The following STK33 variants were observed in gnomAD, a reference collection of about 807,000 sequenced individuals.
The protein encoded by STK33 is serine/threonine-protein kinase 33.
A neutral mutation model predicts 58.0 loss-of-function variants in STK33; 52 were observed. That is an observed-to-expected ratio of 0.90 (90% CI 0.72 to 1.13). STK33 has a LOEUF of 1.13. Ranked by LOEUF, STK33 falls within the 50% of genes most tolerant of loss-of-function variation. The pLI is 0.00. For missense variants in STK33, 630 were observed against 604.2 expected, an observed-to-expected ratio of 1.04 and a Z score of -0.45; for synonymous variants, 215 against 200.1, an observed-to-expected ratio of 1.07 and a Z score of -0.63.
chr11:8,344,076 C>A, the STK33 span, among the ~76,000 whole-genome samples: 1 of 152,066 alleles, frequency 6.6e-6, no homozygotes, highest in African/African-American at 2.4e-5. Flanking sequence ...TAGGGCTGGA[C>A]GCAGTGACTC....
At chr11:8,590,182 C>T (rs1010923043) in intron 1 of STK33, among the ~76,000 whole-genome samples, 2 of 152,142 alleles carry the variant, frequency 1.3e-5, no homozygotes, top group African/African-American at 4.8e-5. Context: ...TAACATTTTA[C>T]GTAAGGCTTT....
intron 10 of STK33, among the ~76,000 whole-genome samples, chr11:8,454,028 A>C (rs1273769453): frequency 1.3e-5 from 2 of 152,224 alleles, no homozygotes; most frequent in Non-Finnish European, 2.9e-5. Context: ...TAAGTGAATA[A>C]GACATGCACA....
At chr11:8,587,972 G>A (rs1021121760) in intron 1 of STK33, among the ~76,000 whole-genome samples, 1 of 152,150 alleles carries the variant, frequency 6.6e-6, no homozygotes, top group African/African-American at 2.4e-5. Flanking sequence ...TCACAGTTCT[G>A]GAGGCTGAGA....
chr11:8,384,757 T>C, the STK33 span, among the ~76,000 whole-genome samples: 16 of 152,196 alleles, frequency 1.1e-4, no homozygotes, highest in Non-Finnish European at 1.8e-4. Context: ...TATCAATCAC[T>C]TGAGATGACT....
intron 12 of STK33, 56 bp from the exon 13 acceptor site, chr11:8,436,195 T>C (rs1298672549): frequency 2.8e-6 from 3 of 1,089,542 alleles, no homozygotes; most frequent in Admixed American, 2.6e-5. Context: ...AATAAGCCTA[T>C]TAAAATTAAG....
At chr11:8,535,703 G>A (rs1032533020) in intron 1 of STK33, among the ~76,000 whole-genome samples, 8 of 152,046 alleles carry the variant, frequency 5.3e-5, no homozygotes, top group African/African-American at 1.9e-4. Context: ...AACTAAAAAA[G>A]AATTACTATC....
intron 1 of STK33, among the ~76,000 whole-genome samples, chr11:8,579,197 G>C (rs1958391135): frequency 6.6e-6 from 1 of 151,900 alleles, no homozygotes; most frequent in Admixed American, 6.6e-5. Context: ...AGTTAGAGTA[G>C]GGATTTTGTG....
the STK33 span, among the ~76,000 whole-genome samples, chr11:8,343,092 G>C: frequency 6.6e-6 from 1 of 152,258 alleles, no homozygotes; most frequent in Non-Finnish European, 1.5e-5. Context: ...AGGGCTCCAG[G>C]GCCCTGACAC....
chr11:8,405,618 G>A (rs12807699), intron 15 of STK33, among the ~76,000 whole-genome samples: 1 of 152,076 alleles, frequency 6.6e-6, no homozygotes, highest in African/African-American at 2.4e-5. Context: ...TATGTTCTAA[G>A]AATCTTTGAC....
chr11:8,399,180 C>T (rs1849927224), intron 15 of STK33, among the ~76,000 whole-genome samples: 3 of 152,210 alleles, frequency 2.0e-5, no homozygotes, highest in South Asian at 4.1e-4. Context: ...TTCAGCACCA[C>T]ACCACACCTA....
intron 1 of STK33, among the ~76,000 whole-genome samples, chr11:8,485,565 T>G (rs1457167348): frequency 6.6e-6 from 1 of 152,224 alleles, no homozygotes; most frequent in Non-Finnish European, 1.5e-5. Context: ...TGTGTAGCCT[T>G]GGAAAACTAA....
In STK33 at chr11:8,423,656, T is replaced by A. The variant is rs184405481; in HGVS notation, c.1147-9964A>T. 2.6e-3 allele frequency among the ~76,000 whole-genome samples: 398 copies of A among 152,202 alleles called. 2 individuals carry two copies. The highest frequency in any genetic ancestry group is 9.1e-3 in the African/African-American group (379 of 41,546). Reference sequence around the variant, plus strand: ...AGGACAAGACCAATTTTGGTAAATATTCCACATGTGCTTGAGAACATGTAC... The same window carrying A: ...AGGACAAGACCAATTTTGGTAAATAATCCACATGTGCTTGAGAACATGTAC... On this transcript the variant is annotated intron_variant, in intron 14 of 15. Coordinates refer to ENST00000687296, the MANE Select transcript of STK33 (RefSeq NM_001352389.2).
the STK33 span, among the ~76,000 whole-genome samples, chr11:8,385,917 G>A: frequency 1.3e-5 from 2 of 152,110 alleles, no homozygotes; most frequent in Non-Finnish European, 2.9e-5. Context: ...TGGGACTACA[G>A]GCACCCGCCA....
the STK33 span, among the ~76,000 whole-genome samples, chr11:8,342,670 G>A: frequency 2.0e-5 from 3 of 152,168 alleles, no homozygotes; most frequent in East Asian, 3.8e-4. Context: ...ATGCTTATGA[G>A]GTAGGTATTA....
intron 9 of STK33, 139 bp downstream of exon 9, chr11:8,457,201 GA>G (rs1946964341): frequency 1.4e-6 from 1 of 703,092 alleles, no homozygotes; most frequent in African/African-American, 1.8e-5. Context: ...AGTTAAAAAG[GA>G]AACATTTTTA....
At chr11:8,498,906 C>T (rs1951279901) in intron 1 of STK33, among the ~76,000 whole-genome samples, 1 of 152,170 alleles carries the variant, frequency 6.6e-6, no homozygotes, top group African/African-American at 2.4e-5. Flanking sequence ...TGGACCCCTT[C>T]CTTATACCTT....
intron 1 of STK33, among the ~76,000 whole-genome samples, chr11:8,565,069 A>G (rs1251231518): frequency 6.6e-6 from 1 of 152,186 alleles, no homozygotes; most frequent in Non-Finnish European, 1.5e-5. Context: ...AAAGCCCTTG[A>G]GAGGGCATCT....
chr11:8,394,376 T>G (rs1005254926), intron 15 of STK33, among the ~76,000 whole-genome samples: 1 of 152,256 alleles, frequency 6.6e-6, no homozygotes, highest in Non-Finnish European at 1.5e-5. Flanking sequence ...AAGGTGAATC[T>G]AAGTGTAACC....
chr11:8,418,557 T>C (rs1296139034), intron 14 of STK33, among the ~76,000 whole-genome samples: 1 of 152,186 alleles, frequency 6.6e-6, no homozygotes, highest in African/African-American at 2.4e-5. Flanking sequence ...TTCATGTGCA[T>C]ATGTGTTTAT....
Sources: allele counts gnomAD v4.1 joint callset (sites outside exome capture counted in the v4.1 genomes callset), GRCh38; gene constraint gnomAD v4.1.1; transcripts MANE v1.5; gene names NCBI Gene and HGNC (gene_info 2026-07-23, HGNC 2026-07-21).